The following PDZRN4 variants were observed in gnomAD, a reference collection of about 807,000 sequenced individuals.
PDZRN4 encodes the protein PDZ domain-containing RING finger protein 4.
In PDZRN4, 70 loss-of-function variants were observed where a neutral mutation model predicts 99.0. The ratio of observed to expected loss-of-function variants is 0.71; its 90% confidence interval spans 0.58 to 0.86. PDZRN4 has a LOEUF of 0.86. Among genes scored for constraint, PDZRN4 ranks in the 40% least tolerant of loss-of-function variants. The pLI is 0.00. For synonymous variants in PDZRN4, 551 were observed against 501.6 expected (o/e 1.10, Z -1.32); for missense variants, 1,474 against 1,331.2 (o/e 1.11, Z -1.67).
chr12:41,196,628 G>T (rs1177113131), intron 3 of PDZRN4, among the ~76,000 whole-genome samples: 1 of 151,884 alleles, frequency 6.6e-6, no homozygotes, highest in African/African-American at 2.4e-5. Flanking sequence ...TTTTTCTTGT[G>T]CATATGGTGT....
At chr12:41,300,170 GTTACATTGCT>G (rs1308489382) in intron 3 of PDZRN4, among the ~76,000 whole-genome samples, 1 of 151,852 alleles carries the variant, frequency 6.6e-6, no homozygotes, top group Non-Finnish European at 1.5e-5. Context: ...TGATAGCAGT[GTTACATTGCT>G]TTTGCATAGC....
chr12:41,398,783 T>C (rs1952268942), intron 3 of PDZRN4, among the ~76,000 whole-genome samples: 1 of 152,182 alleles, frequency 6.6e-6, no homozygotes, highest in African/African-American at 2.4e-5. Flanking sequence ...TAAATTATAA[T>C]ACAAGAGTTT....
chr12:41,342,549 T>C (rs934233565), intron 3 of PDZRN4, among the ~76,000 whole-genome samples: 3 of 139,402 alleles, frequency 2.2e-5, no homozygotes, highest in African/African-American at 7.9e-5. Context: ...ATGATCTCAA[T>C]AGACATTTCC....
Position 41,567,786 on chromosome 12 carries a change from G to A in PDZRN4, c.1471G>A (p.Asp491Asn). The change falls in exon 9 of 10, where the codon GAT becomes AAT. Residue 491 changes from aspartate to asparagine, a missense_variant. Physicochemically the swap from Asp to Asn is conservative, Grantham distance 23 (BLOSUM62 1). Transcript: ENST00000402685. ...GTACTAATGTATTCTTTTGCAGCTG[G>A]ATGAAGGCTGGCTGGAAGATGAAAG... ...LLVARPEIQL[D>N]EGWLEDERNE... 6.2e-7 allele frequency: 1 copy of A among 1,605,030 alleles called. No individual in the cohort carries two copies. The highest frequency in any genetic ancestry group is 1.1e-5 in the South Asian group (1 of 90,538).
chr12:41,402,925 C>T (rs970691657), intron 3 of PDZRN4, among the ~76,000 whole-genome samples: 7 of 151,856 alleles, frequency 4.6e-5, no homozygotes, highest in Admixed American at 6.6e-5. Context: ...AAGCTAATAT[C>T]GTGGTATCAA....
chr12:41,270,303 GTGTGTGTGGTGTGTGTGTGTGTC>G (rs1566410472), intron 3 of PDZRN4, among the ~76,000 whole-genome samples: 1 of 131,572 alleles, frequency 7.6e-6, no homozygotes, highest in African/African-American at 2.7e-5. Context: ...GTGTGTGTCT[GTGTGTGTGGTGTGTGTGTGTGTC>G]TGTGTGTGTG....
In PDZRN4 at chr12:41,358,331, G is replaced by T. The variant is rs374442198; in HGVS notation, c.844-148125G>T. Among the ~76,000 whole-genome samples the T allele has an allele frequency of 1.1e-4, 17 of 152,016 alleles. No individual in the cohort carries two copies. The East Asian group carries it at 2.3e-3, about 21-fold the overall frequency. On this transcript the variant is annotated intron_variant, in intron 3 of 9. Coordinates refer to ENST00000402685, the MANE Select transcript of PDZRN4 (RefSeq NM_001164595.2). The stretch of plus-strand genomic sequence containing the variant: ...TATATATTTCCTCAGCATAGAAAGA[G>T]AATATTTTTATTAAACTCTATTTTC...
chr12:41,316,620 A>G (rs1951639877), intron 3 of PDZRN4, among the ~76,000 whole-genome samples: 1 of 152,086 alleles, frequency 6.6e-6, no homozygotes, highest in Non-Finnish European at 1.5e-5. Context: ...ACATGGCATC[A>G]ATAGAAATGG....
In PDZRN4 at chr12:41,234,081, G is replaced by A. The variant is rs541758595; in HGVS notation, c.843+39893G>A. Among the ~76,000 whole-genome samples, 46 of 151,918 alleles carry A rather than the reference G, an allele frequency of 3.0e-4. 2 individuals are homozygous for A. Among genetic ancestry groups the A allele is most frequent in the African/African-American group, 1.0e-3 (43 of 41,452 alleles). ...TGAATTTATTGCTCCTTGATTAATA[G>A]AAACCTCAAAAAAGCCAACCTTTGG... is the stretch of plus-strand genomic sequence containing the variant. On this transcript the variant is annotated intron_variant, in intron 3 of 9. Coordinates refer to ENST00000402685, the MANE Select transcript of PDZRN4 (RefSeq NM_001164595.2).
chr12:41,447,580 A>G (rs1226053071), intron 3 of PDZRN4, among the ~76,000 whole-genome samples: 1 of 152,158 alleles, frequency 6.6e-6, no homozygotes, highest in Non-Finnish European at 1.5e-5. Context: ...AGGGTATAAC[A>G]CATTACAGGC....
At chr12:41,353,717 A>G (rs1433499556) in intron 3 of PDZRN4, among the ~76,000 whole-genome samples, 1 of 152,046 alleles carries the variant, frequency 6.6e-6, no homozygotes, top group South Asian at 2.1e-4. Context: ...CTCTTGTTTC[A>G]TGTCCATTTT....
chr12:41,322,994 A>G (rs1463587774), intron 3 of PDZRN4, among the ~76,000 whole-genome samples: 1 of 152,206 alleles, frequency 6.6e-6, no homozygotes, highest in African/African-American at 2.4e-5. Context: ...AAAACATGGC[A>G]GAGGGCAAAT....
At chr12:41,332,960 G>A (rs1458830176) in intron 3 of PDZRN4, among the ~76,000 whole-genome samples, 8 of 152,016 alleles carry the variant, frequency 5.3e-5, no homozygotes, top group Non-Finnish European at 1.2e-4. Context: ...CTACTGAAAA[G>A]TAAGAACTAC....
At chr12:41,360,936 T>C (rs1951959346) in intron 3 of PDZRN4, among the ~76,000 whole-genome samples, 1 of 114,314 alleles carries the variant, frequency 8.7e-6, no homozygotes, top group Non-Finnish European at 1.9e-5. Flanking sequence ...AAAGAATAAG[T>C]AAAGTGTGTG....
At chr12:41,259,556 A>G (rs113768502) in intron 3 of PDZRN4, among the ~76,000 whole-genome samples, 1 of 152,178 alleles carries the variant, frequency 6.6e-6, no homozygotes, top group Non-Finnish European at 1.5e-5. Flanking sequence ...TTATGGTAGA[A>G]TTAAGTCAGT....
intron 3 of PDZRN4, among the ~76,000 whole-genome samples, chr12:41,242,467 G>A (rs780295436): frequency 3.9e-5 from 6 of 152,104 alleles, no homozygotes; most frequent in East Asian, 1.9e-4. Flanking sequence ...ATAATACCTC[G>A]CTGGTTACAC....
At chr12:41,525,584 T>C (rs1170718954) in intron 5 of PDZRN4, among the ~76,000 whole-genome samples, 2 of 152,146 alleles carry the variant, frequency 1.3e-5, no homozygotes, top group Non-Finnish European at 2.9e-5. Flanking sequence ...AATATAGATA[T>C]GTAAGATAGA....
At chr12:41,196,058 G>A (rs994877468) in intron 3 of PDZRN4, among the ~76,000 whole-genome samples, 1 of 152,030 alleles carries the variant, frequency 6.6e-6, no homozygotes, top group Admixed American at 6.5e-5. Context: ...AAAAGAAAAA[G>A]AATTTTTTAT....
chr12:41,397,099 A>G (rs1206855540), intron 3 of PDZRN4, among the ~76,000 whole-genome samples: 1 of 152,190 alleles, frequency 6.6e-6, no homozygotes, highest in Non-Finnish European at 1.5e-5. Flanking sequence ...TTTGGTGGAT[A>G]TATTCTACTT....
Sources: allele counts gnomAD v4.1 joint callset (sites outside exome capture counted in the v4.1 genomes callset), GRCh38; gene constraint gnomAD v4.1.1; transcripts MANE v1.5; gene names NCBI Gene and HGNC (gene_info 2026-07-23, HGNC 2026-07-21).